Variants in PAQR3 observed in about 807,000 individuals in gnomAD.
PAQR3 encodes Raf kinase trapping to Golgi.
Under a neutral mutation model 41.7 loss-of-function variants are expected in PAQR3, and 39 were observed. That is an observed-to-expected ratio of 0.93 (90% CI 0.72 to 1.22). PAQR3 has a LOEUF of 1.22. PAQR3 is among the 50% of genes most tolerant of loss of function. PAQR3 has a pLI of 0.00. For missense variants in PAQR3, 366 were observed against 385.6 expected (o/e 0.95, Z 0.42); for synonymous variants, 140 against 140.6 (o/e 1.00, Z 0.03).
chr4:78,909,861 G>A (rs971840826), downstream of PAQR3, among the ~76,000 whole-genome samples: 5 of 152,132 alleles, frequency 3.3e-5, no homozygotes, highest in African/African-American at 4.8e-5. Context: ...ATAGCAAAGT[G>A]CCCTATATTT....
At chr4:78,894,074 C>G (rs567537309) in intron 11 of PAQR3, among the ~76,000 whole-genome samples, 1 of 152,292 alleles carries the variant, frequency 6.6e-6, no homozygotes, top group East Asian at 1.9e-4. Context: ...AATCAGTAAA[C>G]TATGCTGGAA....
In PAQR3 at chr4:78,919,495, C is replaced by T. The variant is rs1735443575; in HGVS notation, c.*1044G>A. 9 of 985,018 alleles carry T rather than the reference C, an allele frequency of 9.1e-6. No individual in the cohort carries two copies. The highest frequency in any genetic ancestry group is 1.7e-5 in the African/African-American group (1 of 57,178). The allele number at this position is 985,018 out of a possible 1,614,324, so 61.0% of individuals were successfully genotyped here. A position where few individuals can be genotyped will look rare whatever the true frequency, so the allele number is the denominator to read the frequency against. ...TTATCAAGATTCTGAGTTATCAATG[C>T]AATGCTAACACATGCAGAAACCGAG... is the stretch of plus-strand genomic sequence containing the variant. On this transcript the variant is annotated 3_prime_UTR_variant, in exon 6 of 6. Transcript: ENST00000512733.
At position 78,912,369 on chromosome 4, in the gene PAQR3, AT is replaced by A. The variant is rs556976260; in HGVS notation, c.*8169del. 1.9e-5 allele frequency: 4 copies of A among 211,572 alleles called. No homozygotes were observed. The South Asian group carries it at 6.4e-4, about 34-fold the overall frequency. The allele number at this position is 211,572 out of a possible 1,614,324, so 13.1% of individuals were successfully genotyped here. ...ACTGAGAAGGGACAGTGAAACTGTTATTTTTGATATCAGAATGTCATTTTTA... is the reference window on the plus strand; with the variant it reads ...ACTGAGAAGGGACAGTGAAACTGTTATTTTGATATCAGAATGTCATTTTTA... On this transcript the variant is annotated 3_prime_UTR_variant, in exon 6 of 6. Transcript: ENST00000512733.
At chr4:78,911,418 G>A (rs1734592697), downstream of PAQR3, 1 of 1,613,896 alleles carries the variant, frequency 6.2e-7, no homozygotes, top group African/African-American at 1.3e-5. Flanking sequence ...TTGGGCTTGT[G>A]CCCTTTGATG....
downstream of PAQR3, among the ~76,000 whole-genome samples, chr4:78,907,461 C>A (rs1734343938): frequency 6.6e-6 from 1 of 152,088 alleles, no homozygotes; most frequent in South Asian, 2.1e-4. Context: ...ATTATCTGTC[C>A]TACGTTAAAT....
intron 5 of PAQR3, 123 bp downstream of exon 5, chr4:78,923,734 A>G (rs1578014337): frequency 1.4e-6 from 1 of 726,894 alleles, no homozygotes; most frequent in East Asian, 2.7e-5. Context: ...ATTTGGAAAG[A>G]GAGGAATCAT....
intron 4 of PAQR3, 105 bp downstream of exon 4, chr4:78,926,416 A>G: frequency 3.3e-6 from 3 of 910,244 alleles, no homozygotes; most frequent in Non-Finnish European, 5.0e-6. Flanking sequence ...ATGTTCTCAA[A>G]TGACAAACAT....
At chr4:78,901,092 G>T (rs1577975727) in intron 11 of PAQR3, among the ~76,000 whole-genome samples, 1 of 152,140 alleles carries the variant, frequency 6.6e-6, no homozygotes, top group Non-Finnish European at 1.5e-5. Context: ...GCCCAGGCTG[G>T]AGTGCAGTGG....
Position 78,935,183 on chromosome 4 carries a change from G to C in PAQR3, c.286C>G (p.Pro96Ala). 1 of 1,613,890 alleles carries C rather than the reference G, an allele frequency of 6.2e-7. No homozygotes were observed. Among genetic ancestry groups the C allele is most frequent in the Non-Finnish European group, 8.5e-7 (1 of 1,179,858 alleles). The change falls in exon 2 of 6, where the codon CCT (proline) becomes GCT (alanine). Residue 96 changes from proline (P) to alanine (A), a missense_variant. Transcript: ENST00000512733. ...LGIYDMTSVL[P>A]SASASREDFV... The stretch of plus-strand genomic sequence containing the variant: ...TCTTCTCTGGACGCACTTGCTGAAG[G>C]TAACACAGATGTCATGTCATATATT...
At position 78,923,962 on chromosome 4, in the gene PAQR3, A is replaced by G. The variant is rs1560573838; in HGVS notation, c.703-15T>C. ...GGTGCAAAGTCCTGAAAAGCAGAAC[A>G]TGTTTTTTTACAGATCTTCCTACTG... On this transcript the variant is annotated splice_polypyrimidine_tract_variant and intron_variant, in intron 4 of 5. Coordinates refer to ENST00000512733, the MANE Select transcript of PAQR3 (RefSeq NM_001040202.2). 6.3e-7 allele frequency: 1 copy of G among 1,578,508 alleles called. No individual in the cohort carries two copies. Among genetic ancestry groups the G allele is most frequent in the Non-Finnish European group, 8.7e-7 (1 of 1,148,290 alleles).
chr4:78,920,724 T>C, intron 5 of PAQR3, 43 bp from the exon 6 acceptor site: 16 of 1,569,128 alleles, frequency 1.0e-5, no homozygotes, highest in Non-Finnish European at 1.3e-5. Context: ...TTTCAATATG[T>C]TGACATTAAA....
At chr4:78,920,765 A>C (rs1240773705) in intron 5 of PAQR3, 84 bp from the exon 6 acceptor site, 1 of 1,434,618 alleles carries the variant, frequency 7.0e-7, no homozygotes, top group Non-Finnish European at 9.3e-7. Flanking sequence ...AGTATAGCTT[A>C]GCAGAAAAAT....
Position 78,919,937 on chromosome 4 carries a change from T to G in PAQR3, c.*602A>C. 1.0e-6 allele frequency: 1 copy of G among 985,288 alleles called. No individual in the cohort carries two copies. The highest frequency in any genetic ancestry group is 1.2e-6 in the Non-Finnish European group (1 of 829,520). 61.0% of individuals were successfully genotyped at this position (985,288 alleles called of 1,614,324 possible). On this transcript the variant is annotated 3_prime_UTR_variant, in exon 6 of 6. Coordinates refer to ENST00000512733, the MANE Select transcript of PAQR3 (RefSeq NM_001040202.2). ...CCTTCTCTCAACTTACTGCAGAAGT[T>G]TAAAGCTTTTGTTCTGGAAAACTAA...
intron 4 of PAQR3, among the ~76,000 whole-genome samples, chr4:78,924,806 A>C (rs1428737794): frequency 6.6e-6 from 1 of 151,630 alleles, no homozygotes; most frequent in East Asian, 1.9e-4. Context: ...GCTTGAGCCG[A>C]GGAGTTTGAA....
Position 78,919,694 on chromosome 4 carries a change from CAG to C in PAQR3, c.*843_*844del, listed in dbSNP as rs1220423822. The C allele has an allele frequency of 7.1e-6, 7 of 985,002 alleles. No individual in the cohort carries two copies. Among genetic ancestry groups the C allele is most frequent in the Non-Finnish European group, 8.4e-6 (7 of 829,784 alleles). 61.0% of individuals were successfully genotyped at this position (985,002 alleles called of 1,614,324 possible). On this transcript the variant is annotated 3_prime_UTR_variant, in exon 6 of 6. Transcript: ENST00000512733. ...ACTGGGATATTCAGGACTACAAATTCAGAGAGTTGAAAGCTCTGGAATTTTGG... is the reference window on the plus strand; with the variant it reads ...ACTGGGATATTCAGGACTACAAATTCAGAGTTGAAAGCTCTGGAATTTTGG...
chr4:78,933,187 G>C (rs1393132248), intron 2 of PAQR3: 1 of 456,022 alleles, frequency 2.2e-6, no homozygotes, highest in Non-Finnish European at 4.4e-6. Flanking sequence ...CTTTATACCA[G>C]GTTGGTTCTG....
chr4:78,889,402 C>G (rs1184778231), intron 11 of PAQR3, among the ~76,000 whole-genome samples: 1 of 152,038 alleles, frequency 6.6e-6, no homozygotes, highest in Non-Finnish European at 1.5e-5. Flanking sequence ...AAAGTGATCA[C>G]TGTGCAATAT....
chr4:78,922,770 A>G (rs1735786612), intron 5 of PAQR3: 2 of 378,218 alleles, frequency 5.3e-6, no homozygotes, highest in East Asian at 7.2e-5. Context: ...GGGGGGAAAA[A>G]AAAGTATTTC....
chr4:78,938,829 C>T (rs951691391), intron 1 of PAQR3, among the ~76,000 whole-genome samples: 2 of 151,896 alleles, frequency 1.3e-5, no homozygotes, highest in African/African-American at 2.4e-5. Flanking sequence ...ATTATGATCA[C>T]TGTTACTATC....
Sources: gnomAD v4.1 joint callset for allele counts (sites outside exome capture counted in the v4.1 genomes callset) on GRCh38, gnomAD v4.1.1 for gene constraint, MANE v1.5 for transcripts, NCBI Gene and HGNC (gene_info 2026-07-23, HGNC 2026-07-21) for gene names.